The following WDR45B variants were observed in gnomAD, a reference collection of about 807,000 sequenced individuals.
WDR45B encodes WD repeat domain phosphoinositide-interacting protein 3.
WDR45B carries 20 observed loss-of-function variants against 44.6 expected under a neutral mutation model. That is an observed-to-expected ratio of 0.45 (90% confidence interval 0.32 to 0.65). The LOEUF is 0.65. WDR45B is among the 30% of genes least tolerant of loss of function. The probability of loss-of-function intolerance (pLI) is 0.05; values close to 1 mark genes in which losing one functional copy is unlikely to be tolerated. For synonymous variants in WDR45B, 169 were observed against 164.9 expected (o/e 1.02, Z -0.19); for missense variants, 323 against 430.2 (o/e 0.75, Z 2.20).
intron 3 of WDR45B, among the ~76,000 whole-genome samples, chr17:82,629,013 T>A (rs987069015): frequency 3.3e-5 from 5 of 151,948 alleles, no homozygotes; most frequent in African/African-American, 7.3e-5. Flanking sequence ...ACTAAATAAA[T>A]AAAAATCAAG....
intron 3 of WDR45B, 36 bp downstream of exon 3, chr17:82,630,885 C>T (rs747664461): frequency 7.0e-6 from 11 of 1,580,476 alleles, no homozygotes; most frequent in South Asian, 3.3e-5. Flanking sequence ...GGGTGGGACA[C>T]GTGAGGCATG....
At chr17:82,638,176 AAAG>A (rs756848883) in intron 2 of WDR45B, among the ~76,000 whole-genome samples, 102 of 115,468 alleles carry the variant, frequency 8.8e-4, no homozygotes, top group Non-Finnish European at 1.4e-3. Flanking sequence ...AGATTCTGTC[AAAG>A]AAGAGGGGAG....
At chr17:82,647,820 G>A (rs562078716) in intron 1 of WDR45B, among the ~76,000 whole-genome samples, 2 of 151,930 alleles carry the variant, frequency 1.3e-5, no homozygotes, top group Admixed American at 6.6e-5. Flanking sequence ...GACCCTGAAA[G>A]GAACAGGGGG....
intron 8 of WDR45B, 133 bp from the exon 9 acceptor site, chr17:82,616,778 T>A (rs1347071223): frequency 4.2e-6 from 5 of 1,185,928 alleles, no homozygotes; most frequent in Non-Finnish European, 6.0e-6. Flanking sequence ...ATTTTTTTTT[T>A]GCCATGCATG....
chr17:82,620,440 A>C (rs1233612520), intron 6 of WDR45B, among the ~76,000 whole-genome samples: 1 of 152,170 alleles, frequency 6.6e-6, no homozygotes, highest in East Asian at 1.9e-4. Context: ...CTCAAAAAAC[A>C]AAACAAAACA....
rs139641537 is a variant in WDR45B at position 82,616,011 on chromosome 17, C to T, written c.943G>A (p.Gly315Ser). The change falls in exon 10 of 10, where the codon GGC becomes AGC. Residue 315 changes from glycine to serine, a missense_variant. Coordinates refer to ENST00000392325, the MANE Select transcript of WDR45B (RefSeq NM_019613.4). ...PNAVIAICADGSYYKFLFNPK... is the reference protein window; with the variant it reads ...PNAVIAICADSSYYKFLFNPK... ...TTGAACAGGAATTTGTAGTAGCTGC[C>T]GTCTGCACAAATTGCTGGGATAGAA... 17 of 1,613,770 alleles carry T rather than the reference C, an allele frequency of 1.1e-5. No homozygotes were observed. Among genetic ancestry groups the T allele is most frequent in the East Asian group, 4.5e-5 (2 of 44,888 alleles).
intron 2 of WDR45B, among the ~76,000 whole-genome samples, chr17:82,631,531 T>C (rs1318049317): frequency 7.6e-4 from 58 of 76,218 alleles, no homozygotes; most frequent in Middle Eastern, 6.0e-3. Flanking sequence ...GCGATCAGTC[T>C]GCCTCGGCCT....
chr17:82,621,716 G>A lies in WDR45B; in HGVS notation c.511C>T (p.Leu171=). ...ACGGGTGGCTTCTCCGTGCTGGCCAGGTCCACAAGCTGCACATGGCCCGTG... is the reference window on the plus strand; with the variant it reads ...ACGGGTGGCTTCTCCGTGCTGGCCAAGTCCACAAGCTGCACATGGCCCGTG... The part of the protein sequence containing the change: ...THTGHVQLVD[L]ASTEKPPVDI... Residue 171 remains leucine, a synonymous_variant, in exon 6 of 10, where the codon CTG becomes TTG. Coordinates refer to ENST00000392325, the MANE Select transcript of WDR45B (RefSeq NM_019613.4). The A allele has an allele frequency of 6.2e-7, 1 of 1,614,210 alleles. No homozygotes were observed. Among genetic ancestry groups the A allele is most frequent in the South Asian group, 1.1e-5 (1 of 91,084 alleles).
chr17:82,618,440 T>C (rs2045569275), intron 7 of WDR45B, among the ~76,000 whole-genome samples: 1 of 152,122 alleles, frequency 6.6e-6, no homozygotes, highest in Non-Finnish European at 1.5e-5. Flanking sequence ...CAAACCAACA[T>C]GGTCTCCAGC....
At chr17:82,632,541 A>T (rs763397200) in intron 2 of WDR45B, among the ~76,000 whole-genome samples, 23 of 152,146 alleles carry the variant, frequency 1.5e-4, no homozygotes, top group Non-Finnish European at 1.0e-4. Flanking sequence ...TGACAAAAGG[A>T]TGACCAATGC....
At chr17:82,625,531 C>T in intron 4 of WDR45B, 48 bp from the exon 5 acceptor site, 1 of 1,540,670 alleles carries the variant, frequency 6.5e-7, no homozygotes, top group South Asian at 1.1e-5. Flanking sequence ...GAGTCAAACC[C>T]AAACATTTTA....
intron 3 of WDR45B, among the ~76,000 whole-genome samples, chr17:82,628,375 T>C (rs1244471783): frequency 2.0e-5 from 3 of 152,156 alleles, no homozygotes; most frequent in African/African-American, 7.2e-5. Flanking sequence ...AATTAGCAGT[T>C]TGTGTTCTAA....
chr17:82,624,060 G>A (rs902977671), intron 5 of WDR45B, among the ~76,000 whole-genome samples: 1 of 151,986 alleles, frequency 6.6e-6, no homozygotes, highest in African/African-American at 2.4e-5. Flanking sequence ...GAACCCTCAG[G>A]ATCGACCCAA....
chr17:82,636,720 G>C (rs575135222), intron 2 of WDR45B: 1 of 151,952 alleles, frequency 6.6e-6, no homozygotes, highest in Middle Eastern at 3.4e-3. Flanking sequence ...CTTTGTTCTC[G>C]AACTCGACTT....
Position 82,617,368 on chromosome 17 carries a change from A to C in WDR45B, c.734T>G (p.Ile245Ser). The change falls in exon 8 of 10, where the codon ATC becomes AGC. Residue 245 changes from isoleucine (I) to serine (S), a missense_variant. By Grantham distance (142) the Ile-to-Ser change is moderately radical. Coordinates refer to ENST00000392325, the MANE Select transcript of WDR45B (RefSeq NM_019613.4). ...TGTGCCGTGGTCGCTGGATACGCAG[A>C]TGAGGGACGCATCCTGATTGAAGTT... ...CINFNQDASL[I>S]CVSSDHGTVH... 1 of 1,614,160 alleles carries C rather than the reference A, an allele frequency of 6.2e-7. No homozygotes were observed. The highest frequency in any genetic ancestry group is 8.5e-7 in the Non-Finnish European group (1 of 1,180,010).
chr17:82,620,636 C>T (rs777007946), intron 6 of WDR45B, among the ~76,000 whole-genome samples: 2 of 152,102 alleles, frequency 1.3e-5, no homozygotes, highest in African/African-American at 2.4e-5. Flanking sequence ...ATACCATCAC[C>T]GGCTTGCGGT....
At chr17:82,617,665 G>T (rs2045556142) in intron 7 of WDR45B, 2 of 498,948 alleles carry the variant, frequency 4.0e-6, no homozygotes, top group Non-Finnish European at 7.4e-6. Context: ...GTGTGTCTGG[G>T]AGAGGGAAGG....
chr17:82,643,880 G>C lies in WDR45B; in HGVS notation c.142+69C>G, dbSNP rs2045946073. ...CAGCCATCCCTTCCCTGCTCCACCT[G>C]CAAGGTTAAATTTAAGACTCCGAGG... On this transcript the variant is annotated intron_variant, in intron 2 of 9. Transcript: ENST00000392325. 6.4e-6 allele frequency: 9 copies of C among 1,411,936 alleles called. No individual in the cohort carries two copies. The South Asian group carries it at 9.7e-5, about 15-fold the overall frequency. The allele number at this position is 1,411,936 out of a possible 1,614,324, so 87.5% of individuals were successfully genotyped here.
chr17:82,639,456 C>A (rs2045880376), intron 2 of WDR45B, among the ~76,000 whole-genome samples: 1 of 152,016 alleles, frequency 6.6e-6, no homozygotes, highest in Non-Finnish European at 1.5e-5. Context: ...CCTTCTACCA[C>A]CAGGTTACCA....
Sources: gnomAD v4.1 joint callset for allele counts (sites outside exome capture counted in the v4.1 genomes callset) on GRCh38, gnomAD v4.1.1 for gene constraint, MANE v1.5 for transcripts, NCBI Gene and HGNC (gene_info 2026-07-23, HGNC 2026-07-21) for gene names.